The following NRXN3 variants were observed in gnomAD, a reference collection of about 807,000 sequenced individuals.
NRXN3 encodes neurexin III.
In NRXN3, 32 loss-of-function variants were observed where a neutral mutation model predicts 137.6. That is an observed-to-expected ratio of 0.23 (90% CI 0.18 to 0.31). The LOEUF (loss-of-function observed/expected upper bound fraction) is 0.31. Among genes scored for constraint, NRXN3 ranks in the 10% least tolerant of loss-of-function variants. The probability of loss-of-function intolerance (pLI) is 1.00; values close to 1 mark genes in which losing one functional copy is unlikely to be tolerated. For synonymous variants in NRXN3, 798 were observed against 784.5 expected, an observed-to-expected ratio of 1.02 and a Z score of -0.29; for missense variants, 1,574 against 2,062.5, an observed-to-expected ratio of 0.76 and a Z score of 4.59.
chr14:78,299,843 G>A (rs1031396472), intron 4 of NRXN3, among the ~76,000 whole-genome samples: 1 of 152,220 alleles, frequency 6.6e-6, no homozygotes, highest in Non-Finnish European at 1.5e-5. Context: ...AGACATGGAT[G>A]TTGTGAATTC....
At chr14:78,179,998 A>G (rs1443027044) in intron 1 of NRXN3, among the ~76,000 whole-genome samples, 1 of 151,970 alleles carries the variant, frequency 6.6e-6, no homozygotes, top group African/African-American at 2.4e-5. Context: ...GGCATGTGCC[A>G]CGACATCCAG....
intron 15 of NRXN3, among the ~76,000 whole-genome samples, chr14:79,261,714 C>T (rs2077627802): frequency 6.6e-6 from 1 of 151,130 alleles, no homozygotes; most frequent in African/African-American, 2.4e-5. Flanking sequence ...AATTTACCTT[C>T]CAGAATAAAC....
intron 15 of NRXN3, among the ~76,000 whole-genome samples, chr14:79,281,281 T>C (rs1184768323): frequency 1.3e-5 from 2 of 152,122 alleles, no homozygotes; most frequent in East Asian, 3.9e-4. Context: ...CAAATGTTAT[T>C]TCATCTTTAG....
chr14:79,036,125 T>C (rs1212818514), intron 15 of NRXN3, among the ~76,000 whole-genome samples: 1 of 152,022 alleles, frequency 6.6e-6, no homozygotes, highest in Admixed American at 6.6e-5. Flanking sequence ...CACTGTTAAA[T>C]GCATTAGGCC....
chr14:78,724,576 G>A (rs1174004203), intron 8 of NRXN3, among the ~76,000 whole-genome samples: 1 of 152,080 alleles, frequency 6.6e-6, no homozygotes, highest in Admixed American at 6.5e-5. Context: ...CCCTCGTTTT[G>A]GTTCCTATTT....
chr14:79,463,753 A>G lies in NRXN3; in HGVS notation c.3263-3468A>G, dbSNP rs72690736. Among the ~76,000 whole-genome samples, 774 of 152,302 alleles carry G rather than the reference A, an allele frequency of 5.1e-3. 6 individuals carry two copies. Among genetic ancestry groups the G allele is most frequent in the Middle Eastern group, 0.01 (3 of 292 alleles). ...ATAAACATAAGTAGTATGATCTTGC[A>G]TCAGCATACTGAACACGGTGAGAAA... On this transcript the variant is annotated intron_variant, in intron 15 of 20. Coordinates refer to ENST00000335750, the MANE Select transcript of NRXN3 (RefSeq NM_001330195.2).
chr14:78,547,577 A>G (rs1279027561), intron 4 of NRXN3, among the ~76,000 whole-genome samples: 1 of 152,052 alleles, frequency 6.6e-6, no homozygotes, highest in Non-Finnish European at 1.5e-5. Context: ...GACAATTGCC[A>G]TGTTCATACT....
chr14:78,997,367 T>C (rs2099532112), intron 15 of NRXN3, among the ~76,000 whole-genome samples: 1 of 152,224 alleles, frequency 6.6e-6, no homozygotes, highest in Non-Finnish European at 1.5e-5. Flanking sequence ...AGCCCATTCA[T>C]TTCTGGTGTC....
At chr14:78,321,929 A>T (rs1383617210) in intron 4 of NRXN3, among the ~76,000 whole-genome samples, 1 of 151,954 alleles carries the variant, frequency 6.6e-6, no homozygotes, top group African/African-American at 2.4e-5. Context: ...AGTGCAGATG[A>T]GGAAGGTCTC....
At chr14:78,508,766 T>G (rs1397517293) in intron 4 of NRXN3, among the ~76,000 whole-genome samples, 1 of 152,176 alleles carries the variant, frequency 6.6e-6, no homozygotes, top group East Asian at 1.9e-4. Context: ...TTCAAGCAAA[T>G]TGATTTTAAG....
chr14:78,456,795 TTC>T (rs1309983764), intron 4 of NRXN3, among the ~76,000 whole-genome samples: 9 of 147,208 alleles, frequency 6.1e-5, no homozygotes, highest in African/African-American at 1.8e-4. Context: ...CTCTCTCTCT[TTC>T]TCTCTTTCTT....
At chr14:79,164,732 A>G (rs189819193) in intron 15 of NRXN3, among the ~76,000 whole-genome samples, 56 of 152,126 alleles carry the variant, frequency 3.7e-4, no homozygotes, top group African/African-American at 1.2e-3. Context: ...TAAAGTTAAG[A>G]GAAATTAACA....
At chr14:78,921,716 A>G (rs1190676493) in intron 10 of NRXN3, among the ~76,000 whole-genome samples, 10 of 152,228 alleles carry the variant, frequency 6.6e-5, no homozygotes, top group Admixed American at 5.9e-4. Context: ...ACAAAAATAC[A>G]TGCATAAAAT....
chr14:78,967,434 C>A, intron 13 of NRXN3, 36 bp downstream of exon 13: 2 of 1,485,210 alleles, frequency 1.3e-6, no homozygotes, highest in Non-Finnish European at 1.9e-6. Flanking sequence ...TTTAATAGAG[C>A]TTTTCTTACA....
intron 4 of NRXN3, among the ~76,000 whole-genome samples, chr14:78,569,456 G>T (rs539505618): frequency 6.6e-6 from 1 of 151,676 alleles, no homozygotes; most frequent in Non-Finnish European, 1.5e-5. Flanking sequence ...TAGTAGAGAC[G>T]GGGTTTCACC....
chr14:79,174,164 T>C (rs1434108153), intron 15 of NRXN3, among the ~76,000 whole-genome samples: 1 of 152,178 alleles, frequency 6.6e-6, no homozygotes, highest in Admixed American at 6.6e-5. Context: ...GCCACACAAA[T>C]GAAGGTAGCG....
chr14:78,854,597 T>G (rs1056879422), intron 10 of NRXN3, among the ~76,000 whole-genome samples: 1 of 152,166 alleles, frequency 6.6e-6, no homozygotes, highest in Non-Finnish European at 1.5e-5. Context: ...ATTTTAAGTG[T>G]GTGTATAAGT....
intron 19 of NRXN3, among the ~76,000 whole-genome samples, chr14:79,766,748 T>C (rs546470554): frequency 3.8e-4 from 58 of 152,356 alleles, no homozygotes; most frequent in South Asian, 3.5e-3. Context: ...TACCATGTTA[T>C]TGGCTGATCT....
chr14:78,608,972 C>G (rs1054906532), intron 4 of NRXN3, among the ~76,000 whole-genome samples: 10 of 152,014 alleles, frequency 6.6e-5, no homozygotes, highest in African/African-American at 2.4e-4. Flanking sequence ...AGGCTTGTAG[C>G]AATCTACAAT....
Sources: allele counts gnomAD v4.1 joint callset (sites outside exome capture counted in the v4.1 genomes callset), GRCh38; gene constraint gnomAD v4.1.1; transcripts MANE v1.5; gene names NCBI Gene and HGNC (gene_info 2026-07-23, HGNC 2026-07-21).